The following NLGN4X variants were observed in gnomAD, a reference collection of about 807,000 sequenced individuals.
NLGN4X encodes the protein neuroligin 4 X-linked, also known as neuroligin-4, X-linked.
Under a neutral mutation model 40.3 loss-of-function variants are expected in NLGN4X, and 3 were observed. The ratio of observed to expected loss-of-function variants is 0.07; its 90% CI spans 0.03 to 0.19. The LOEUF is 0.19. NLGN4X is among the 10% of genes least tolerant of loss of function. The pLI is 1.00. For missense variants in NLGN4X, 382 were observed against 708.3 expected (o/e 0.54, Z 5.23); for synonymous variants, 270 against 306.8 (o/e 0.88, Z 1.25).
At chrX:6,204,130 A>G (rs1602416558) in intron 1 of NLGN4X, among the ~76,000 whole-genome samples, 1 of 112,508 alleles carries the variant, frequency 8.9e-6, no homozygotes, top group South Asian at 3.7e-4. Context: ...TCAAATGTAT[A>G]AACGAAGAAG....
intron 3 of NLGN4X, among the ~76,000 whole-genome samples, chrX:5,957,225 A>G (rs2034522965): frequency 8.9e-6 from 1 of 111,862 alleles, no homozygotes; most frequent in African/African-American, 3.3e-5. Flanking sequence ...AAATAGATAT[A>G]CTATTCATAT....
rs1601836763 is a variant in NLGN4X, at chrX:5,891,746, A to G, written c.*1071T>C. 1 of 169,778 alleles carries G rather than the reference A, an allele frequency of 5.9e-6. No individual in the cohort carries two copies. The allele number at this position is 169,778 out of a possible 1,213,427, so 14.0% of individuals were successfully genotyped here. A position where few individuals can be genotyped will look rare whatever the true frequency, so the allele number is the denominator to read the frequency against. ...ATGTCTCTAATTTAACAAGCTGTAA[A>G]TACACTCCACTTTGGGGACCCATCT... On this transcript the variant is annotated 3_prime_UTR_variant, in exon 6 of 6. Coordinates refer to ENST00000381095, the MANE Select transcript of NLGN4X (RefSeq NM_181332.3).
intron 3 of NLGN4X, among the ~76,000 whole-genome samples, chrX:6,016,423 C>A (rs1443969376): frequency 8.9e-6 from 1 of 111,742 alleles, no homozygotes; most frequent in Non-Finnish European, 1.9e-5. Flanking sequence ...CATGATATCA[C>A]TTTACACCCA....
chrX:5,941,401 GGAGCTA>G (rs2033943327), intron 3 of NLGN4X, among the ~76,000 whole-genome samples: 1 of 111,124 alleles, frequency 9.0e-6, no homozygotes, highest in Non-Finnish European at 1.9e-5. Context: ...CTCTTCCTAC[GGAGCTA>G]TCTCAGGTTG....
At chrX:5,940,010 T>C (rs1195192921) in intron 3 of NLGN4X, among the ~76,000 whole-genome samples, 1 of 111,304 alleles carries the variant, frequency 9.0e-6, no homozygotes, top group African/African-American at 3.3e-5. Flanking sequence ...TGTGGAAAAA[T>C]ACAAAATGTC....
intron 2 of NLGN4X, among the ~76,000 whole-genome samples, chrX:6,042,095 A>T (rs1308925625): frequency 8.9e-6 from 1 of 112,291 alleles, no homozygotes; most frequent in East Asian, 2.8e-4. Context: ...GCAAGGTCTA[A>T]TTCTAATTTT....
At chrX:5,999,276 G>C (rs2035913237) in intron 3 of NLGN4X, among the ~76,000 whole-genome samples, 1 of 111,929 alleles carries the variant, frequency 8.9e-6, no homozygotes, top group African/African-American at 3.2e-5. Flanking sequence ...AGCTCTCCCA[G>C]CTGGTTTAAA....
At chrX:6,017,203 C>A (rs2036416796) in intron 3 of NLGN4X, among the ~76,000 whole-genome samples, 1 of 111,626 alleles carries the variant, frequency 9.0e-6, no homozygotes, top group Non-Finnish European at 1.9e-5. Context: ...GATTAAGAAA[C>A]ATGAAGATGT....
At chrX:6,140,010 T>C (rs757025774) in intron 2 of NLGN4X, among the ~76,000 whole-genome samples, 102 of 111,658 alleles carry the variant, frequency 9.1e-4, no homozygotes, top group Non-Finnish European at 1.7e-3. Flanking sequence ...AATGGGATGT[T>C]AGGTGAATAT....
At chrX:6,050,382 G>C (rs201573879) in intron 2 of NLGN4X, among the ~76,000 whole-genome samples, 5 of 108,369 alleles carry the variant, frequency 4.6e-5, no homozygotes, top group African/African-American at 1.7e-4. Flanking sequence ...CTACCTACCT[G>C]TCTGTCTATT....
At chrX:6,026,503 G>A (rs1415313745) in intron 3 of NLGN4X, among the ~76,000 whole-genome samples, 1 of 111,776 alleles carries the variant, frequency 8.9e-6, no homozygotes, top group Non-Finnish European at 1.9e-5. Context: ...GGAGTTTCCT[G>A]CAAGCAAAAA....
chrX:5,906,138 C>T (rs2032160948), intron 4 of NLGN4X, among the ~76,000 whole-genome samples: 1 of 112,172 alleles, frequency 8.9e-6, no homozygotes, highest in African/African-American at 3.2e-5. Context: ...TGACTGCTTT[C>T]TAAATCTACA....
chrX:6,195,881 T>G (rs111911907), intron 1 of NLGN4X, among the ~76,000 whole-genome samples: 3,206 of 111,174 alleles, frequency 0.029, 122 homozygotes, highest in African/African-American at 0.097. Context: ...CTCAAATTCC[T>G]AGGCTCAGGT....
At chrX:6,115,478 T>C (rs1283684288) in intron 2 of NLGN4X, among the ~76,000 whole-genome samples, 1 of 111,692 alleles carries the variant, frequency 9.0e-6, no homozygotes. Flanking sequence ...AGGGGCTTCA[T>C]GTCGCCTTGA....
chrX:6,046,960 CTTACA>C (rs1403254149), intron 2 of NLGN4X, among the ~76,000 whole-genome samples: 2 of 106,588 alleles, frequency 1.9e-5, no homozygotes, highest in African/African-American at 6.8e-5. Context: ...TATACTAATG[CTTACA>C]TTATATATAA....
intron 3 of NLGN4X, among the ~76,000 whole-genome samples, chrX:5,940,222 A>G (rs997823340): frequency 8.9e-6 from 1 of 111,944 alleles, no homozygotes; most frequent in Admixed American, 9.5e-5. Flanking sequence ...ATTATTTTCC[A>G]GGACTAAATC....
At position 6,198,673 on chromosome X, in the gene NLGN4X, AG is replaced by A. The variant is rs756179461; in HGVS notation, c.-306+29867del. Among the ~76,000 whole-genome samples, 3 of 111,382 alleles carry A rather than the reference AG, an allele frequency of 2.7e-5. No homozygotes were observed. The East Asian group carries it at 8.5e-4, about 31-fold the overall frequency. On this transcript the variant is annotated intron_variant, in intron 1 of 5. Transcript: ENST00000381095. ...TCAGAAGAGGCAGCATCTCAGAAAA[AG>A]CTTCAGAAGATGTCCTCAAAGATGA...
At chrX:6,169,401 T>C (rs1233196634) in intron 1 of NLGN4X, among the ~76,000 whole-genome samples, 1 of 113,136 alleles carries the variant, frequency 8.8e-6, no homozygotes, top group South Asian at 3.6e-4. Context: ...CTGCAAAAGA[T>C]AGAGAAAGCA....
chrX:6,078,287 C>G (rs1020371904), intron 2 of NLGN4X, among the ~76,000 whole-genome samples: 1 of 112,121 alleles, frequency 8.9e-6, no homozygotes, highest in Admixed American at 9.5e-5. Context: ...TGTTTGCTAT[C>G]GTATCTTCAG....
Sources: gnomAD v4.1 joint callset for allele counts (sites outside exome capture counted in the v4.1 genomes callset) on GRCh38, gnomAD v4.1.1 for gene constraint, MANE v1.5 for transcripts, NCBI Gene and HGNC (gene_info 2026-07-23, HGNC 2026-07-21) for gene names.